HEATR4: variants seen among roughly 807,000 people sequenced by gnomAD.
The protein encoded by HEATR4 is HEAT repeat-containing protein 4.
In HEATR4, 95 loss-of-function variants were observed where a neutral mutation model predicts 108.8. The ratio of observed to expected loss-of-function variants is 0.87; its 90% confidence interval spans 0.74 to 1.04. HEATR4 has a LOEUF of 1.04. Among genes scored for constraint, HEATR4 ranks in the 50% least tolerant of loss-of-function variants. The pLI is 0.00. For missense variants in HEATR4, 1,152 were observed against 1,253.8 expected, an observed-to-expected ratio of 0.92 and a Z score of 1.23; for synonymous variants, 443 against 459.4, an observed-to-expected ratio of 0.96 and a Z score of 0.46.
At chr14:73,628,893 A>G in the HEATR4 span, among the ~76,000 whole-genome samples, 1 of 149,810 alleles carries the variant, frequency 6.7e-6, no homozygotes. Context: ...TCTCTACTAA[A>G]AATACAAAAA....
upstream of HEATR4, among the ~76,000 whole-genome samples, chr14:73,561,928 G>T (rs77543410): frequency 2.9e-3 from 438 of 152,236 alleles, 11 homozygotes; most frequent in Non-Finnish European, 5.2e-3. Context: ...AGACTGCAGT[G>T]AACTGTGATC....
the HEATR4 span, among the ~76,000 whole-genome samples, chr14:73,608,642 A>C: frequency 2.0e-5 from 3 of 152,074 alleles, no homozygotes; most frequent in African/African-American, 7.3e-5. Context: ...AAACGGTGCC[A>C]ACTGCTGCCT....
chr14:73,498,233 G>C lies in HEATR4; in HGVS notation c.2468C>G (p.Ala823Gly). Residue 823 changes from alanine to glycine, a missense_variant, in exon 14 of 18, where the codon GCC (alanine) becomes GGC (glycine). By Grantham distance (60) the Ala-to-Gly change is moderately conservative. Coordinates refer to ENST00000553558, the MANE Select transcript of HEATR4 (RefSeq NM_001220484.1). ...VRLEACRSILALKLQGDRVRD... is the reference protein window; with the variant it reads ...VRLEACRSILGLKLQGDRVRD... ...GACCCGGTCCCCTTGAAGTTTCAGGGCTAGGATGCTACGGCAAGCTTCCAG... is the reference window on the plus strand; with the variant it reads ...GACCCGGTCCCCTTGAAGTTTCAGGCCTAGGATGCTACGGCAAGCTTCCAG... 6.2e-7 allele frequency: 1 copy of C among 1,614,092 alleles called. No homozygotes were observed. The highest frequency in any genetic ancestry group is 8.5e-7 in the Non-Finnish European group (1 of 1,180,026).
chr14:73,590,922 A>G, the HEATR4 span, among the ~76,000 whole-genome samples: 1 of 152,050 alleles, frequency 6.6e-6, no homozygotes, highest in African/African-American at 2.4e-5. Flanking sequence ...AAGCGCGGCC[A>G]GAGTGGGCGC....
intron 5 of HEATR4, among the ~76,000 whole-genome samples, chr14:73,514,526 C>A (rs1310102641): frequency 6.6e-6 from 1 of 152,056 alleles, no homozygotes; most frequent in African/African-American, 2.4e-5. Context: ...TCTTTAGGAA[C>A]CTAAATCTTT....
At chr14:73,591,764 G>C in the HEATR4 span, 1 of 476,568 alleles carries the variant, frequency 2.1e-6, no homozygotes, top group Non-Finnish European at 3.4e-6. Context: ...AGAGGAGCCT[G>C]GCTACTTTTG....
At chr14:73,610,463 G>A in the HEATR4 span, among the ~76,000 whole-genome samples, 1 of 151,850 alleles carries the variant, frequency 6.6e-6, no homozygotes, top group Non-Finnish European at 1.5e-5. Context: ...GCTAATTTTT[G>A]TATTTTTAGT....
At chr14:73,563,535 C>G (rs1480073230), upstream of HEATR4, among the ~76,000 whole-genome samples, 1 of 152,002 alleles carries the variant, frequency 6.6e-6, no homozygotes, top group African/African-American at 2.4e-5. Context: ...GTGGAGGTTG[C>G]AGTGAGCTGA....
chr14:73,592,410 C>A, the HEATR4 span: 1 of 1,524,460 alleles, frequency 6.6e-7, no homozygotes, highest in Non-Finnish European at 8.8e-7. Flanking sequence ...GCTCTTCCTG[C>A]CGCCAGGTGA....
At chr14:73,518,215 A>G (rs1484558953) in intron 5 of HEATR4, among the ~76,000 whole-genome samples, 1 of 152,168 alleles carries the variant, frequency 6.6e-6, no homozygotes. Context: ...CTTCTTGCCA[A>G]GTGGATGCAA....
At chr14:73,565,896 G>T in the HEATR4 span, among the ~76,000 whole-genome samples, 1 of 152,038 alleles carries the variant, frequency 6.6e-6, no homozygotes, top group Non-Finnish European at 1.5e-5. Flanking sequence ...CTGCTGGCTA[G>T]GGCAGCCTGC....
chr14:73,576,723 G>C, the HEATR4 span, among the ~76,000 whole-genome samples: 12 of 136,426 alleles, frequency 8.8e-5, no homozygotes, highest in African/African-American at 3.3e-4. Context: ...TTGAGCCCTG[G>C]AGGCAGAGGT....
the HEATR4 span, among the ~76,000 whole-genome samples, chr14:73,623,418 T>C: frequency 6.6e-6 from 1 of 152,054 alleles, no homozygotes; most frequent in Admixed American, 6.6e-5. Flanking sequence ...GCATGGTGGC[T>C]CATGCCTGTA....
intron 7 of HEATR4, among the ~76,000 whole-genome samples, chr14:73,511,574 T>TAAAAA (rs1230340101): frequency 6.8e-6 from 1 of 146,272 alleles, no homozygotes; most frequent in Non-Finnish European, 1.5e-5. Flanking sequence ...TAAAATAAAA[T>TAAAAA]AAAAAAGAAT....
chr14:73,574,993 C>T, the HEATR4 span: 11 of 1,601,062 alleles, frequency 6.9e-6, no homozygotes, highest in East Asian at 4.5e-5. Flanking sequence ...AAGGGCATCA[C>T]GGCTGCTGTC....
Position 73,509,864 on chromosome 14 carries a change from ATATATTTATT to A in HEATR4, c.1559-401_1559-392del, listed in dbSNP as rs1566832344. Among the ~76,000 whole-genome samples, 217 of 67,776 alleles carry A rather than the reference ATATATTTATT, an allele frequency of 3.2e-3. 19 individuals carry two copies. The highest frequency in any genetic ancestry group is 5.1e-3 in the Non-Finnish European group (172 of 33,442). 44.5% of individuals were successfully genotyped at this position (67,776 alleles called of 152,430 possible). ...TATATATATATATATATATATATAT[ATATATTTATT>A]TATTTTATATATTTTTTGAGACGGA... is the stretch of plus-strand genomic sequence containing the variant. On this transcript the variant is annotated intron_variant, in intron 7 of 17. Transcript: ENST00000553558.
the HEATR4 span, chr14:73,592,401 C>T: frequency 1.3e-6 from 2 of 1,532,952 alleles, no homozygotes; most frequent in East Asian, 2.4e-5. Context: ...GCGCGCCACG[C>T]TCTTCCTGCC....
the HEATR4 span, among the ~76,000 whole-genome samples, chr14:73,615,740 CAAACAAACAAACAA>C: frequency 5.4e-5 from 2 of 37,222 alleles, no homozygotes; most frequent in African/African-American, 2.7e-4. Flanking sequence ...TCTCAACAAA[CAAACAAACAAACAA>C]ACAAACAAAC....
upstream of HEATR4, among the ~76,000 whole-genome samples, chr14:73,559,243 C>T (rs1220391559): frequency 2.0e-5 from 3 of 151,798 alleles, no homozygotes; most frequent in Non-Finnish European, 4.4e-5. Context: ...AAGCAATTCT[C>T]CTGTCTCAGC....
Sources: gnomAD v4.1 joint callset for allele counts (sites outside exome capture counted in the v4.1 genomes callset) on GRCh38, gnomAD v4.1.1 for gene constraint, MANE v1.5 for transcripts, NCBI Gene and HGNC (gene_info 2026-07-23, HGNC 2026-07-21) for gene names.